The following KCNH7 variants were observed in gnomAD, a reference collection of about 807,000 sequenced individuals.
The protein encoded by KCNH7 is voltage-gated inwardly rectifying potassium channel KCNH7.
KCNH7 carries 49 observed loss-of-function variants against 120.8 expected under a neutral mutation model. The observed-to-expected ratio is 0.41, with a 90% CI of 0.32 to 0.51. The LOEUF is 0.51. Among genes scored for constraint, KCNH7 ranks in the 20% least tolerant of loss-of-function variants. KCNH7 has a pLI of 0.38. For synonymous variants in KCNH7, 547 were observed against 516.1 expected, an observed-to-expected ratio of 1.06 and a Z score of -0.81; for missense variants, 1,097 against 1,446.6, an observed-to-expected ratio of 0.76 and a Z score of 3.92.
chr2:162,461,436 C>T (rs1689142766), intron 6 of KCNH7, among the ~76,000 whole-genome samples: 2 of 152,020 alleles, frequency 1.3e-5, no homozygotes, highest in Admixed American at 6.6e-5. Context: ...CCATAAATAC[C>T]CAATAAGTGA....
intron 2 of KCNH7, among the ~76,000 whole-genome samples, chr2:162,713,496 A>G (rs1001465841): frequency 3.1e-4 from 47 of 152,200 alleles, no homozygotes; most frequent in African/African-American, 1.1e-3. Context: ...ATTACATAAA[A>G]TTGCTCAGGC....
At chr2:162,508,504 G>A (rs1461988147) in intron 5 of KCNH7, among the ~76,000 whole-genome samples, 1 of 151,376 alleles carries the variant, frequency 6.6e-6, no homozygotes, top group African/African-American at 2.4e-5. Flanking sequence ...TCTTTCTACG[G>A]ATTTTAAAGC....
At chr2:162,552,266 TA>T (rs2105859899) in intron 2 of KCNH7, among the ~76,000 whole-genome samples, 1 of 152,294 alleles carries the variant, frequency 6.6e-6, no homozygotes, top group South Asian at 2.1e-4. Flanking sequence ...ATCTGGTTCT[TA>T]GTACTCTGTT....
intron 2 of KCNH7, among the ~76,000 whole-genome samples, chr2:162,831,526 A>C (rs1685478069): frequency 6.6e-6 from 1 of 152,160 alleles, no homozygotes; most frequent in Admixed American, 6.5e-5. Flanking sequence ...TCTAGTATAG[A>C]TCCCAGATGA....
chr2:162,722,644 C>G (rs941052251), intron 2 of KCNH7, among the ~76,000 whole-genome samples: 7 of 151,946 alleles, frequency 4.6e-5, no homozygotes, highest in African/African-American at 1.7e-4. Context: ...ATTTCCTTCA[C>G]CAGATGTGGG....
At chr2:162,512,479 G>A (rs978792543) in intron 5 of KCNH7, among the ~76,000 whole-genome samples, 175 bp downstream of exon 5, 2 of 151,764 alleles carry the variant, frequency 1.3e-5, no homozygotes, top group African/African-American at 4.8e-5. Context: ...TAACACAGCA[G>A]AGAAATAACA....
chr2:162,752,566 C>G (rs1203618521), intron 2 of KCNH7, among the ~76,000 whole-genome samples: 1 of 151,888 alleles, frequency 6.6e-6, no homozygotes, highest in Admixed American at 6.6e-5. Flanking sequence ...AAGCCTTCAC[C>G]AGAATGGTCA....
In KCNH7 at chr2:162,724,671, C is replaced by CAAAAAAAAAAAAAAAA. The variant is rs71009368; in HGVS notation, c.307+111865_307+111866insTTTTTTTTTTTTTTTT. Among the ~76,000 whole-genome samples, 164 of 123,584 alleles carry CAAAAAAAAAAAAAAAA rather than the reference C, an allele frequency of 1.3e-3. No homozygotes were observed. In the East Asian group the frequency reaches 0.017, roughly 13 times the overall value. The allele number at this position is 123,584 out of a possible 152,430, so 81.1% of individuals were successfully genotyped here. A position where few individuals can be genotyped will look rare whatever the true frequency, so the allele number is the denominator to read the frequency against. On this transcript the variant is annotated intron_variant, in intron 2 of 15. Coordinates refer to ENST00000332142, the MANE Select transcript of KCNH7 (RefSeq NM_033272.4). ...TGGGCGACAGAGCGAGACTCCGTCT[C>CAAAAAAAAAAAAAAAA]AAAAAAAAAAAAAGAATATACTGTA...
At chr2:162,828,814 TCTCA>T (rs1309429161) in intron 2 of KCNH7, among the ~76,000 whole-genome samples, 2 of 152,098 alleles carry the variant, frequency 1.3e-5, no homozygotes, top group Non-Finnish European at 2.9e-5. Flanking sequence ...CACAGTCCTC[TCTCA>T]CTCCTCCCTT....
chr2:162,679,771 T>A (rs944448677), intron 2 of KCNH7, among the ~76,000 whole-genome samples: 4 of 151,784 alleles, frequency 2.6e-5, no homozygotes, highest in African/African-American at 9.7e-5. Flanking sequence ...TGTTAATTAA[T>A]GTATTATGCT....
intron 2 of KCNH7, among the ~76,000 whole-genome samples, chr2:162,542,530 T>C (rs894797790): frequency 9.2e-5 from 14 of 151,660 alleles, no homozygotes; most frequent in African/African-American, 3.4e-4. Context: ...GATAGTTTAC[T>C]GAGAATGATG....
chr2:162,588,206 A>T (rs12471845), intron 2 of KCNH7, among the ~76,000 whole-genome samples: 7,309 of 152,176 alleles, frequency 0.048, 362 homozygotes, highest in East Asian at 0.11. Flanking sequence ...GTTACCCACA[A>T]AATGATATTA....
chr2:162,752,704 G>A (rs1574342271), intron 2 of KCNH7, among the ~76,000 whole-genome samples: 1 of 151,420 alleles, frequency 6.6e-6, no homozygotes, highest in Non-Finnish European at 1.5e-5. Flanking sequence ...TTCAAGACCA[G>A]CCTGGACAAC....
At chr2:162,558,171 G>C (rs968611765) in intron 2 of KCNH7, among the ~76,000 whole-genome samples, 1 of 150,674 alleles carries the variant, frequency 6.6e-6, no homozygotes, top group Non-Finnish European at 1.5e-5. Flanking sequence ...GTGTCCTCAA[G>C]CCTCTTTTTT....
chr2:162,747,616 G>A (rs2105422953), intron 2 of KCNH7, among the ~76,000 whole-genome samples: 1 of 152,098 alleles, frequency 6.6e-6, no homozygotes, highest in Non-Finnish European at 1.5e-5. Flanking sequence ...AGTTCAAGAG[G>A]GTATAAGACT....
At chr2:162,492,320 A>G (rs1315370034) in intron 6 of KCNH7, among the ~76,000 whole-genome samples, 1 of 152,196 alleles carries the variant, frequency 6.6e-6, no homozygotes, top group Non-Finnish European at 1.5e-5. Context: ...AAGCCAGCCT[A>G]GCAAATTGGT....
intron 2 of KCNH7, among the ~76,000 whole-genome samples, chr2:162,677,916 T>C (rs1685580815): frequency 6.6e-6 from 1 of 151,492 alleles, no homozygotes; most frequent in Non-Finnish European, 1.5e-5. Context: ...TATTGTCCAT[T>C]TGAATAGTCT....
At chr2:162,465,399 G>GTTTAAAT (rs1689274223) in intron 6 of KCNH7, among the ~76,000 whole-genome samples, 1 of 152,064 alleles carries the variant, frequency 6.6e-6, no homozygotes, top group Admixed American at 6.6e-5. Context: ...TATTAAAATA[G>GTTTAAAT]TTTAAATTTT....
At chr2:162,828,054 A>G (rs1685347535) in intron 2 of KCNH7, among the ~76,000 whole-genome samples, 1 of 152,146 alleles carries the variant, frequency 6.6e-6, no homozygotes, top group Admixed American at 6.6e-5. Flanking sequence ...TCAAATGATT[A>G]CTATTATTAT....
Sources: allele counts gnomAD v4.1 joint callset (sites outside exome capture counted in the v4.1 genomes callset), GRCh38; gene constraint gnomAD v4.1.1; transcripts MANE v1.5; gene names NCBI Gene and HGNC (gene_info 2026-07-23, HGNC 2026-07-21).